EHBP1: variants seen among roughly 807,000 people sequenced by gnomAD.
EHBP1 encodes the protein EH domain-binding protein 1.
Under a neutral mutation model 144.0 loss-of-function variants are expected in EHBP1, and 55 were observed. The observed-to-expected ratio is 0.38, with a 90% confidence interval of 0.31 to 0.48. EHBP1 has a LOEUF of 0.48. Among genes scored for constraint, EHBP1 ranks in the 20% least tolerant of loss-of-function variants. The pLI, the probability that EHBP1 is intolerant of heterozygous loss-of-function variation, is 0.98. For synonymous variants in EHBP1, 469 were observed against 472.7 expected (o/e 0.99, Z 0.10); for missense variants, 1,200 against 1,364.2 (o/e 0.88, Z 1.90).
chr2:63,038,082 C>G (rs1454595462), intron 20 of EHBP1, among the ~76,000 whole-genome samples: 1 of 152,000 alleles, frequency 6.6e-6, no homozygotes, highest in Non-Finnish European at 1.5e-5. Flanking sequence ...ACAAAAGTGA[C>G]CTTTTTGTGA....
chr2:62,844,482 A>T (rs1316690723), intron 7 of EHBP1, among the ~76,000 whole-genome samples: 1 of 152,148 alleles, frequency 6.6e-6, no homozygotes, highest in South Asian at 2.1e-4. Flanking sequence ...CTGGAGAAAA[A>T]ATGCCTTTTA....
At chr2:62,727,483 C>T (rs1285758280) in intron 2 of EHBP1, among the ~76,000 whole-genome samples, 1 of 151,998 alleles carries the variant, frequency 6.6e-6, no homozygotes, top group Non-Finnish European at 1.5e-5. Context: ...TCTGGAACTC[C>T]CCTCCCCACT....
chr2:62,760,511 A>G (rs1342858470), intron 3 of EHBP1, among the ~76,000 whole-genome samples: 1 of 152,210 alleles, frequency 6.6e-6, no homozygotes, highest in Non-Finnish European at 1.5e-5. Flanking sequence ...TTGTTTGTTC[A>G]GCAGTCTAAT....
chr2:62,849,615 CAG>C (rs1390487062), intron 7 of EHBP1, among the ~76,000 whole-genome samples: 1 of 152,022 alleles, frequency 6.6e-6, no homozygotes, highest in Non-Finnish European at 1.5e-5. Flanking sequence ...ATAGATAAAA[CAG>C]TGTATCTATA....
intron 5 of EHBP1, among the ~76,000 whole-genome samples, chr2:62,818,404 A>T (rs1043508567): frequency 6.6e-6 from 1 of 152,034 alleles, no homozygotes; most frequent in Non-Finnish European, 1.5e-5. Flanking sequence ...AGGATTGCCT[A>T]AAGTATTCAG....
Position 62,955,254 on chromosome 2 carries a change from C to G in EHBP1, c.2317-263C>G, listed in dbSNP as rs190122641. ...TATAGAATATATATTAGCCTCATAC[C>G]TAATGAGAATATGTTCTAATAAAAT... On this transcript the variant is annotated intron_variant, in intron 13 of 22. Coordinates refer to ENST00000431489, the MANE Select transcript of EHBP1 (RefSeq NM_001142616.3). 1.2e-4 allele frequency among the ~76,000 whole-genome samples: 19 copies of G among 152,030 alleles called. No homozygotes were observed. The East Asian group carries it at 3.7e-3, about 29-fold the overall frequency.
At chr2:62,739,428 G>A (rs570272060) in intron 2 of EHBP1, among the ~76,000 whole-genome samples, 4 of 151,420 alleles carry the variant, frequency 2.6e-5, no homozygotes, top group Non-Finnish European at 4.4e-5. Context: ...CCAGGGAACC[G>A]GGTATATAAC....
intron 10 of EHBP1, among the ~76,000 whole-genome samples, chr2:62,935,344 A>AAT (rs57574909): frequency 0.025 from 3,086 of 121,288 alleles, 106 homozygotes; most frequent in African/African-American, 0.074. Context: ...AAAAAAAAAA[A>AAT]ATATATATAT....
upstream of EHBP1, among the ~76,000 whole-genome samples, chr2:62,703,289 C>G (rs1026988804): frequency 4.6e-5 from 7 of 151,786 alleles, no homozygotes; most frequent in Non-Finnish European, 7.4e-5. Context: ...ACTGCTTGAG[C>G]CTGGGAGGGT....
intron 15 of EHBP1, chr2:62,988,060 T>G (rs757651139): frequency 7.3e-7 from 1 of 1,375,018 alleles, no homozygotes; most frequent in South Asian, 1.2e-5. Flanking sequence ...TTATAAATGT[T>G]TTGTGTCCTG....
chr2:62,713,210 A>G lies in EHBP1; in HGVS notation c.104+5915A>G, dbSNP rs190903835. On this transcript the variant is annotated intron_variant, in intron 2 of 22. Coordinates refer to ENST00000431489, the MANE Select transcript of EHBP1 (RefSeq NM_001142616.3). ...GTGGCTCTTGAAGTTGCCAAGAATA[A>G]TGGGAGGAGAAACATTTAAGACAGG... is the stretch of plus-strand genomic sequence containing the variant. Among the ~76,000 whole-genome samples the G allele has an allele frequency of 4.0e-5, 6 of 151,782 alleles. No homozygotes were observed. The East Asian group carries it at 1.2e-3, about 29-fold the overall frequency.
At chr2:62,893,587 A>G (rs931464460) in intron 10 of EHBP1, among the ~76,000 whole-genome samples, 1 of 152,248 alleles carries the variant, frequency 6.6e-6, no homozygotes, top group Non-Finnish European at 1.5e-5. Context: ...AATGTTTATT[A>G]ATGATAATGT....
intron 3 of EHBP1, among the ~76,000 whole-genome samples, chr2:62,761,627 T>G (rs867238172): frequency 2.6e-4 from 39 of 152,212 alleles, no homozygotes; most frequent in African/African-American, 8.9e-4. Context: ...CTGCCTGACT[T>G]GCATCTGCAC....
intron 5 of EHBP1, among the ~76,000 whole-genome samples, chr2:62,802,554 A>G (rs1452289892): frequency 6.6e-6 from 1 of 152,182 alleles, no homozygotes; most frequent in Non-Finnish European, 1.5e-5. Context: ...TTAAATATGA[A>G]TAGATGATTA....
chr2:62,800,771 A>G (rs992681958), intron 5 of EHBP1, among the ~76,000 whole-genome samples: 69 of 152,216 alleles, frequency 4.5e-4, no homozygotes, highest in African/African-American at 1.4e-3. Context: ...TGAAGACACA[A>G]AACAATGTAT....
chr2:63,038,946 G>A (rs550668618), intron 21 of EHBP1, 130 bp downstream of exon 21: 79 of 721,440 alleles, frequency 1.1e-4, no homozygotes, highest in African/African-American at 9.7e-4. Flanking sequence ...AATAAATGCC[G>A]TGGAGGCAGA....
At chr2:62,878,396 G>GC (rs1240552380) in intron 10 of EHBP1, among the ~76,000 whole-genome samples, 3 of 152,086 alleles carry the variant, frequency 2.0e-5, no homozygotes, top group African/African-American at 7.2e-5. Flanking sequence ...ATAAAGAAGA[G>GC]CTGATAACCA....
chr2:62,825,449 CAGTT>C (rs1438339220), intron 5 of EHBP1, among the ~76,000 whole-genome samples: 2 of 151,852 alleles, frequency 1.3e-5, no homozygotes, highest in African/African-American at 2.4e-5. Context: ...CTGCTGGAGT[CAGTT>C]AGTGGTGTCT....
At chr2:62,916,935 A>G (rs1167572910) in intron 10 of EHBP1, among the ~76,000 whole-genome samples, 2 of 151,646 alleles carry the variant, frequency 1.3e-5, no homozygotes, top group African/African-American at 4.8e-5. Context: ...TACAATTTAT[A>G]TTGTATATAT....
Sources: allele counts gnomAD v4.1 joint callset (sites outside exome capture counted in the v4.1 genomes callset), GRCh38; gene constraint gnomAD v4.1.1; transcripts MANE v1.5; gene names NCBI Gene and HGNC (gene_info 2026-07-23, HGNC 2026-07-21).